TMCO6: variants seen among roughly 807,000 people sequenced by gnomAD.
TMCO6 encodes transmembrane and coiled-coil domains 6, also known as transmembrane and coiled-coil domain-containing protein 6.
Under a neutral mutation model 61.8 loss-of-function variants are expected in TMCO6, and 47 were observed. The ratio of observed to expected loss-of-function variants is 0.76; its 90% CI spans 0.60 to 0.97. The LOEUF is 0.97. Ranked by LOEUF, TMCO6 falls within the 50% of genes least tolerant of loss-of-function variation. The pLI is 0.00. For synonymous variants in TMCO6, 261 were observed against 254.2 expected (o/e 1.03, Z -0.25); for missense variants, 557 against 601.6 (o/e 0.93, Z 0.78).
At chr5:140,632,457 C>A in the TMCO6 span, 2 of 1,614,220 alleles carry the variant, frequency 1.2e-6, no homozygotes, top group South Asian at 1.1e-5. The surrounding 1 kb of genome is among the most constrained non-coding windows in gnomAD (Gnocchi z 6.2). Flanking sequence ...TTGGGCAATG[C>A]TCAGTACCTT....
At chr5:140,604,780 C>CTTTTTTTTT in the TMCO6 span, among the ~76,000 whole-genome samples, 1 of 124,718 alleles carries the variant, frequency 8.0e-6, no homozygotes, top group African/African-American at 2.9e-5. Flanking sequence ...TGTCATTTCT[C>CTTTTTTTTT]TTTTTTTTTT....
At chr5:140,643,222 T>C in intron 7 of TMCO6, 181 bp downstream of exon 7, 1 of 826,264 alleles carries the variant, frequency 1.2e-6, no homozygotes, top group Non-Finnish European at 1.8e-6. Flanking sequence ...TGAGACAGTC[T>C]CACTCTGTCA....
the TMCO6 span, chr5:140,631,982 A>G: frequency 6.2e-7 from 1 of 1,613,866 alleles, no homozygotes; most frequent in Non-Finnish European, 8.5e-7. Flanking sequence ...GGGCAGTTCC[A>G]GGGACCAGGA....
At chr5:140,636,968 A>G (rs1428148915), upstream of TMCO6, among the ~76,000 whole-genome samples, 1 of 152,098 alleles carries the variant, frequency 6.6e-6, no homozygotes, top group East Asian at 1.9e-4. Context: ...AAATAATTAC[A>G]CTATAACTTA....
the TMCO6 span, among the ~76,000 whole-genome samples, chr5:140,610,691 C>T: frequency 6.6e-6 from 1 of 152,130 alleles, no homozygotes; most frequent in Non-Finnish European, 1.5e-5. Flanking sequence ...CATTTTACTT[C>T]CTGCTTTTCA....
chr5:140,647,038 G>A (rs529893045), downstream of TMCO6: 2 of 521,818 alleles, frequency 3.8e-6, no homozygotes, highest in South Asian at 6.1e-5. Context: ...TGGTCCCTAC[G>A]CAGGATTCGG....
the TMCO6 span, among the ~76,000 whole-genome samples, chr5:140,613,980 C>T: frequency 1.3e-5 from 2 of 151,938 alleles, no homozygotes; most frequent in African/African-American, 4.8e-5. Context: ...CTCACTGCAA[C>T]ATCCGCCTCC....
At chr5:140,642,721 G>C in intron 6 of TMCO6, 50 bp downstream of exon 6, 1 of 1,598,496 alleles carries the variant, frequency 6.3e-7, no homozygotes, top group South Asian at 1.1e-5. Flanking sequence ...CCACTCAGTA[G>C]TATAGCTCCC....
downstream of TMCO6, chr5:140,647,240 G>C (rs781723746): frequency 4.6e-6 from 7 of 1,530,562 alleles, no homozygotes; most frequent in African/African-American, 8.3e-5. Context: ...CCAGACCCCT[G>C]GCGTCCCGCA....
rs1247548692 is a variant in TMCO6, at chr5:140,639,760, A to T, written c.107A>T (p.Glu36Val). 1 of 1,601,844 alleles carries T rather than the reference A, an allele frequency of 6.2e-7. No homozygotes were observed. The highest frequency in any genetic ancestry group is 2.2e-5 in the East Asian group (1 of 44,446). ...REAALRKARR[E>V]QQLVSKRLLR... Reference sequence around the variant, plus strand: ...CCAGCACTGCGGAAGGCGCGGAGGGAGCAGCAGCTGGTCAGCAAGAGGCTG... The same window carrying T: ...CCAGCACTGCGGAAGGCGCGGAGGGTGCAGCAGCTGGTCAGCAAGAGGCTG... The change falls in exon 2 of 12, where the codon GAG (glutamate) becomes GTG (valine). Residue 36 changes from glutamate (E) to valine (V), a missense_variant. Glu to Val is a moderately radical substitution (Grantham distance 121, BLOSUM62 -2). Transcript: ENST00000394671.
At chr5:140,601,177 A>T in the TMCO6 span, among the ~76,000 whole-genome samples, 16 of 152,276 alleles carry the variant, frequency 1.1e-4, no homozygotes, top group Non-Finnish European at 1.0e-4. Context: ...GTGAGGGCTC[A>T]CTAGCAGGGG....
the TMCO6 span, among the ~76,000 whole-genome samples, chr5:140,600,534 C>T: frequency 1.3e-5 from 2 of 150,998 alleles, no homozygotes; most frequent in Non-Finnish European, 2.9e-5. Context: ...GGCGCGATCT[C>T]GGCTCACTGC....
the TMCO6 span, among the ~76,000 whole-genome samples, chr5:140,617,292 T>C: frequency 6.6e-6 from 1 of 152,070 alleles, no homozygotes; most frequent in Non-Finnish European, 1.5e-5. Flanking sequence ...CTGGGTGTGG[T>C]GGCTTACACC....
At chr5:140,611,530 A>G in the TMCO6 span, among the ~76,000 whole-genome samples, 1 of 152,182 alleles carries the variant, frequency 6.6e-6, no homozygotes, top group Non-Finnish European at 1.5e-5. Flanking sequence ...TTTCCTTGAA[A>G]TGCATGAGGT....
At chr5:140,620,358 G>A in the TMCO6 span, among the ~76,000 whole-genome samples, 2 of 152,198 alleles carry the variant, frequency 1.3e-5, no homozygotes, top group South Asian at 4.1e-4. Flanking sequence ...ATTGGTGCTT[G>A]CTAAGGGTTG....
the TMCO6 span, among the ~76,000 whole-genome samples, chr5:140,628,746 T>C: frequency 1.3e-5 from 2 of 152,206 alleles, no homozygotes; most frequent in Admixed American, 1.3e-4. Context: ...AGCCATTTTA[T>C]GGCTTTTCTT....
At chr5:140,626,515 C>A in the TMCO6 span, among the ~76,000 whole-genome samples, 1 of 152,290 alleles carries the variant, frequency 6.6e-6, no homozygotes, top group Admixed American at 6.5e-5. Flanking sequence ...ATTCTCCTGG[C>A]TCAGCCTCCC....
chr5:140,613,883 C>A, the TMCO6 span, among the ~76,000 whole-genome samples: 1 of 150,330 alleles, frequency 6.7e-6, no homozygotes, highest in African/African-American at 2.5e-5. Context: ...CATCTCTCAT[C>A]GTTTTTTTTT....
the TMCO6 span, among the ~76,000 whole-genome samples, chr5:140,628,911 T>A: frequency 1.3e-5 from 2 of 152,166 alleles, no homozygotes; most frequent in African/African-American, 4.8e-5. Context: ...GTGCCTACAG[T>A]GTAGATACAC....
Sources: allele counts gnomAD v4.1 joint callset (sites outside exome capture counted in the v4.1 genomes callset), GRCh38; gene constraint gnomAD v4.1.1; non-coding constraint Gnocchi (gnomAD v3.1); transcripts MANE v1.5; gene names NCBI Gene and HGNC (gene_info 2026-07-23, HGNC 2026-07-21).